Variants in DAB1 observed in about 807,000 individuals in gnomAD.
DAB1 encodes DAB adaptor protein 1.
A neutral mutation model predicts 64.6 loss-of-function variants in DAB1; 15 were observed. The observed-to-expected ratio is 0.23, with a 90% CI of 0.16 to 0.36. The LOEUF (loss-of-function observed/expected upper bound fraction) is 0.36, where lower values mean the gene tolerates loss of function less well. Ranked by LOEUF, DAB1 falls within the 10% of genes least tolerant of loss-of-function variation. The pLI is 1.00. For synonymous variants in DAB1, 235 were observed against 251.9 expected (o/e 0.93, Z 0.64); for missense variants, 596 against 706.7 (o/e 0.84, Z 1.78).
intron 3 of DAB1, among the ~76,000 whole-genome samples, chr1:57,143,056 T>A (rs1658767592): frequency 6.6e-6 from 1 of 151,926 alleles, no homozygotes; most frequent in African/African-American, 2.4e-5. Flanking sequence ...AATTGGAGAG[T>A]TTGAAGCAGC....
intron 2 of DAB1, among the ~76,000 whole-genome samples, chr1:57,201,133 T>C (rs927039426): frequency 1.3e-5 from 2 of 152,238 alleles, no homozygotes; most frequent in Non-Finnish European, 2.9e-5. Flanking sequence ...GAGCCATTGC[T>C]GCTTCTGCAA....
At chr1:57,704,678 A>C (rs945334801) in intron 6 of DAB1, among the ~76,000 whole-genome samples, 6 of 152,202 alleles carry the variant, frequency 3.9e-5, no homozygotes, top group Non-Finnish European at 8.8e-5. Flanking sequence ...AACTCCAGAA[A>C]GTAATGTAAA....
chr1:58,519,625 C>T (rs1003515077), intron 2 of DAB1, among the ~76,000 whole-genome samples: 9 of 151,976 alleles, frequency 5.9e-5, no homozygotes, highest in African/African-American at 2.2e-4. Context: ...TTATATGAAA[C>T]ATCCAGCATT....
intron 1 of DAB1, among the ~76,000 whole-genome samples, chr1:57,418,207 C>T (rs1684636999): frequency 6.6e-6 from 1 of 152,160 alleles, no homozygotes; most frequent in African/African-American, 2.4e-5. Context: ...ATGTGCATGA[C>T]CAGAATGTTC....
At chr1:57,169,453 G>C (rs1254374954) in intron 2 of DAB1, among the ~76,000 whole-genome samples, 2 of 152,102 alleles carry the variant, frequency 1.3e-5, no homozygotes, top group Non-Finnish European at 2.9e-5. Flanking sequence ...ACTTGACCAA[G>C]GTTACATAGC....
At chr1:58,233,174 C>G (rs1659858833) in intron 4 of DAB1, among the ~76,000 whole-genome samples, 1 of 152,074 alleles carries the variant, frequency 6.6e-6, no homozygotes. Context: ...TCTTTTTCTC[C>G]CCAATCTCCT....
At chr1:57,318,247 G>C (rs1476423871) in intron 1 of DAB1, among the ~76,000 whole-genome samples, 3 of 151,606 alleles carry the variant, frequency 2.0e-5, no homozygotes, top group African/African-American at 7.3e-5. Flanking sequence ...TTGTGGAACT[G>C]AATGGTAGCT....
intron 2 of DAB1, among the ~76,000 whole-genome samples, chr1:57,177,304 G>C (rs1354423500): frequency 6.6e-6 from 1 of 152,020 alleles, no homozygotes; most frequent in Non-Finnish European, 1.5e-5. Flanking sequence ...ACCCCTTTGA[G>C]TCAGTCATCT....
At chr1:57,784,886 C>G (rs1650268251) in intron 6 of DAB1, among the ~76,000 whole-genome samples, 1 of 152,160 alleles carries the variant, frequency 6.6e-6, no homozygotes, top group Non-Finnish European at 1.5e-5. Context: ...GAAGATAAAA[C>G]AGCCTTCTAT....
At chr1:57,935,951 G>A (rs149184941) in intron 5 of DAB1, among the ~76,000 whole-genome samples, 22 of 152,292 alleles carry the variant, frequency 1.4e-4, no homozygotes, top group African/African-American at 5.3e-4. Flanking sequence ...AAAAGGATGG[G>A]CTCAATTGTC....
intron 3 of DAB1, among the ~76,000 whole-genome samples, chr1:58,398,707 A>G (rs10889091): frequency 0.36 from 55,411 of 152,110 alleles, 10,234 homozygotes; most frequent in East Asian, 0.41. Flanking sequence ...AGCACAGAGA[A>G]GTTGAGTAAT....
intron 7 of DAB1, among the ~76,000 whole-genome samples, chr1:57,475,601 A>G (rs1265006457): frequency 6.6e-6 from 1 of 152,230 alleles, no homozygotes; most frequent in Non-Finnish European, 1.5e-5. Flanking sequence ...CTTTAAGCAC[A>G]TTATCCTAGG....
intron 7 of DAB1, among the ~76,000 whole-genome samples, chr1:57,541,704 T>C (rs1644805251): frequency 6.6e-6 from 1 of 152,216 alleles, no homozygotes. Flanking sequence ...CTATGTTTGC[T>C]TTGGGCCTTA....
Position 58,531,372 on chromosome 1 carries a change from G to A in DAB1, n.33-4037C>T, listed in dbSNP as rs76560556. 8.4e-3 allele frequency among the ~76,000 whole-genome samples: 1,283 copies of A among 152,150 alleles called. 15 individuals carry two copies. Among genetic ancestry groups the A allele is most frequent in the African/African-American group, 0.029 (1,199 of 41,518 alleles). On this transcript the variant is annotated intron_variant and non_coding_transcript_variant, in intron 1 of 20. Coordinates refer to the DAB1 transcript ENST00000485760. ...TGTAAGTCTAGTATTTATCATGAAA[G>A]AATCAGGTTCTATGAATTTTTGTAT...
At chr1:57,661,413 C>T (rs1646384804) in intron 6 of DAB1, among the ~76,000 whole-genome samples, 1 of 152,222 alleles carries the variant, frequency 6.6e-6, no homozygotes, top group South Asian at 2.1e-4. Context: ...TATTGTGACA[C>T]TCGGTTACCT....
intron 7 of DAB1, among the ~76,000 whole-genome samples, chr1:57,445,930 TTCTA>T (rs1686120456): frequency 6.6e-6 from 1 of 152,224 alleles, no homozygotes; most frequent in Admixed American, 6.5e-5. Flanking sequence ...CTGCATCTAT[TTCTA>T]TCAGTACAAA....
chr1:57,071,767 T>A, intron 5 of DAB1, 126 bp from the exon 6 acceptor site: 2 of 906,928 alleles, frequency 2.2e-6, no homozygotes, highest in African/African-American at 1.7e-5. Flanking sequence ...ATTCCATTCT[T>A]AATTAATTCT....
At chr1:57,756,261 A>G (rs1217717319) in intron 6 of DAB1, among the ~76,000 whole-genome samples, 1 of 152,206 alleles carries the variant, frequency 6.6e-6, no homozygotes, top group Admixed American at 6.5e-5. Context: ...TGGGGGATGT[A>G]GACAACTCAA....
chr1:58,147,547 C>T (rs1290471473), intron 5 of DAB1, among the ~76,000 whole-genome samples: 5 of 146,748 alleles, frequency 3.4e-5, no homozygotes, highest in Non-Finnish European at 7.4e-5. Context: ...ACCCAGGAGG[C>T]GGAGCTTGCA....
Sources: gnomAD v4.1 joint callset for allele counts (sites outside exome capture counted in the v4.1 genomes callset) on GRCh38, gnomAD v4.1.1 for gene constraint, MANE v1.5 for transcripts, NCBI Gene and HGNC (gene_info 2026-07-23, HGNC 2026-07-21) for gene names.